EFHD1: variants seen among roughly 807,000 people sequenced by gnomAD.
EFHD1 encodes EF-hand domain-containing protein D1.
EFHD1 carries 10 observed loss-of-function variants against 17.2 expected under a neutral mutation model. The ratio of observed to expected loss-of-function variants is 0.58; its 90% CI spans 0.36 to 0.99. The LOEUF (loss-of-function observed/expected upper bound fraction) is 0.99, where lower values mean the gene tolerates loss of function less well. Among genes scored for constraint, EFHD1 ranks in the 50% least tolerant of loss-of-function variants. The probability of loss-of-function intolerance (pLI) is 0.01; values close to 1 mark genes in which losing one functional copy is unlikely to be tolerated. For missense variants in EFHD1, 310 were observed against 327.5 expected, an observed-to-expected ratio of 0.95 and a Z score of 0.41; for synonymous variants, 153 against 142.0, an observed-to-expected ratio of 1.08 and a Z score of -0.55.
At chr2:232,672,069 A>G (rs1310702975) in intron 2 of EFHD1, among the ~76,000 whole-genome samples, 2 of 152,170 alleles carry the variant, frequency 1.3e-5, no homozygotes, top group Non-Finnish European at 2.9e-5. Flanking sequence ...AAAAAAAAAA[A>G]AGTTTGAATC....
At chr2:232,606,122 G>A in exon 1 of EFHD1, 1 of 1,549,832 alleles carries the variant, frequency 6.5e-7, no homozygotes, top group Middle Eastern at 1.7e-4. Context: ...TCCCTGTGAA[G>A]GCCAAGATCT....
At chr2:232,625,106 A>G (rs1474545565) in intron 1 of EFHD1, among the ~76,000 whole-genome samples, 1 of 151,944 alleles carries the variant, frequency 6.6e-6, no homozygotes, top group African/African-American at 2.4e-5. Context: ...ATTTTGTATT[A>G]TTTTGCTGGT....
At chr2:232,656,367 T>C (rs1284581061) in intron 1 of EFHD1, among the ~76,000 whole-genome samples, 1 of 152,016 alleles carries the variant, frequency 6.6e-6, no homozygotes, top group Non-Finnish European at 1.5e-5. Flanking sequence ...TGAGCGCCAT[T>C]TCTCTCAAAA....
At chr2:232,633,320 C>T, upstream of EFHD1, 3 of 353,394 alleles carry the variant, frequency 8.5e-6, no homozygotes, top group Non-Finnish European at 1.2e-5. Flanking sequence ...CTTTTTCCCG[C>T]TACGGTTTTC....
At position 232,633,867 on chromosome 2, in the gene EFHD1, C is replaced by A; in HGVS notation, c.163C>A (p.Leu55Met). The A allele has an allele frequency of 2.0e-6, 3 of 1,523,966 alleles. No homozygotes were observed. The highest frequency in any genetic ancestry group is 2.6e-6 in the Non-Finnish European group (3 of 1,144,868). The allele number at this position is 1,523,966 out of a possible 1,614,324, so 94.4% of individuals were successfully genotyped here. ...GCCCACGGCCAGCGCCGACGCGGAG[C>A]TGAGCGCCCAGCTGAGCCGGCGGCT... is the stretch of plus-strand genomic sequence containing the variant. ...RAPTASADAE[L>M]SAQLSRRLDI... The change falls in exon 1 of 4, where the codon CTG (leucine) becomes ATG (methionine). Residue 55 changes from leucine (L) to methionine (M), a missense_variant. Coordinates refer to ENST00000264059, the MANE Select transcript of EFHD1 (RefSeq NM_025202.4).
intron 1 of EFHD1, among the ~76,000 whole-genome samples, chr2:232,612,734 C>CTTT (rs112158565): frequency 1.5e-4 from 20 of 133,560 alleles, no homozygotes; most frequent in Admixed American, 1.4e-3. Flanking sequence ...TTTTTCTTTT[C>CTTT]TTTTTTTTTT....
At chr2:232,634,244 C>T (rs1270227583) in intron 1 of EFHD1, among the ~76,000 whole-genome samples, 1 of 152,080 alleles carries the variant, frequency 6.6e-6, no homozygotes, top group Non-Finnish European at 1.5e-5. Context: ...AAGTTCTCGG[C>T]GGCTGCCGGG....
At position 232,633,815 on chromosome 2, in the gene EFHD1, G is replaced by C; in HGVS notation, c.111G>C (p.Lys37Asn). 1 of 1,472,924 alleles carries C rather than the reference G, an allele frequency of 6.8e-7. No individual in the cohort carries two copies. The highest frequency in any genetic ancestry group is 2.4e-5 in the Admixed American group (1 of 41,410). The allele number at this position is 1,472,924 out of a possible 1,614,324, so 91.2% of individuals were successfully genotyped here. A position where few individuals can be genotyped will look rare whatever the true frequency, so the allele number is the denominator to read the frequency against. The change falls in exon 1 of 4, where the codon AAG (lysine) becomes AAC (asparagine). Residue 37 changes from lysine to asparagine, a missense_variant. Coordinates refer to ENST00000264059, the MANE Select transcript of EFHD1 (RefSeq NM_025202.4). ...TCGGCGCCCCAGCCCCGGAGCCCAA[G>C]CCCGAGCCCGAGCCTCCCGCCCGTG... Reference protein sequence around the residue: ...APLGAPAPEPKPEPEPPARAP... With the variant: ...APLGAPAPEPNPEPEPPARAP...
intron 1 of EFHD1, among the ~76,000 whole-genome samples, chr2:232,616,381 C>G (rs1452438005): frequency 6.6e-6 from 1 of 152,110 alleles, no homozygotes; most frequent in African/African-American, 2.4e-5. Context: ...TCACGGCAAC[C>G]TCCGCCTCCC....
At chr2:232,669,446 G>T (rs1200475521) in intron 2 of EFHD1, among the ~76,000 whole-genome samples, 1 of 152,170 alleles carries the variant, frequency 6.6e-6, no homozygotes, top group Non-Finnish European at 1.5e-5. Flanking sequence ...TTTCGGGGAT[G>T]CGGTGGTTGA....
chr2:232,628,456 T>C (rs1055823530), intron 1 of EFHD1, among the ~76,000 whole-genome samples: 3 of 152,182 alleles, frequency 2.0e-5, no homozygotes, highest in African/African-American at 7.2e-5. Context: ...AAGAAAGAAG[T>C]TGACAATCCA....
At chr2:232,653,319 C>G (rs552900163) in intron 1 of EFHD1, among the ~76,000 whole-genome samples, 1 of 151,758 alleles carries the variant, frequency 6.6e-6, no homozygotes, top group East Asian at 1.9e-4. Flanking sequence ...AAGATGGAGT[C>G]TCACTCTGTC....
chr2:232,633,708 G>A lies in EFHD1; in HGVS notation c.4G>A (p.Ala2Thr). The change falls in exon 1 of 4, where the codon GCC becomes ACC. Residue 2 changes from alanine (A) to threonine (T), a missense_variant. Coordinates refer to ENST00000264059, the MANE Select transcript of EFHD1 (RefSeq NM_025202.4). M[A>T]SEELACKLER... is the part of the protein sequence containing the mutation. Reference sequence around the variant, plus strand: ...CCGCGTCCTGCGATCCGCCGCCATGGCCAGTGAGGAGCTGGCGTGCAAGCT... The same window carrying A: ...CCGCGTCCTGCGATCCGCCGCCATGACCAGTGAGGAGCTGGCGTGCAAGCT... The A allele has an allele frequency of 6.9e-7, 1 of 1,455,970 alleles. No homozygotes were observed. The highest frequency in any genetic ancestry group is 9.0e-7 in the Non-Finnish European group (1 of 1,112,708). The allele number at this position is 1,455,970 out of a possible 1,614,324, so 90.2% of individuals were successfully genotyped here.
chr2:232,623,077 T>C (rs1559338914), intron 1 of EFHD1, among the ~76,000 whole-genome samples: 1 of 152,180 alleles, frequency 6.6e-6, no homozygotes, highest in Non-Finnish European at 1.5e-5. Context: ...GATAGGGTCT[T>C]GCTCTGTTGC....
intron 1 of EFHD1, among the ~76,000 whole-genome samples, chr2:232,627,061 TA>T (rs1340624867): frequency 0.014 from 1,664 of 114,842 alleles, 16 homozygotes; most frequent in Non-Finnish European, 0.019. Context: ...TATATATATA[TA>T]TATTTTTTTT....
intron 1 of EFHD1, among the ~76,000 whole-genome samples, chr2:232,639,735 G>A (rs1694391133): frequency 6.6e-6 from 1 of 152,114 alleles, no homozygotes; most frequent in African/African-American, 2.4e-5. Context: ...GCTAGAGGGT[G>A]CCAGGCTGTC....
At chr2:232,668,724 C>T (rs1306437767) in intron 2 of EFHD1, among the ~76,000 whole-genome samples, 1 of 152,130 alleles carries the variant, frequency 6.6e-6, no homozygotes, top group East Asian at 1.9e-4. Context: ...ACCTCCACCC[C>T]TCAGATTCAA....
chr2:232,606,105 C>T (rs867549966), exon 1 of EFHD1: 1 of 1,544,150 alleles, frequency 6.5e-7, no homozygotes, highest in Non-Finnish European at 8.8e-7. Context: ...TGCCTTTCTC[C>T]GTACTGTCCC....
upstream of EFHD1, among the ~76,000 whole-genome samples, chr2:232,631,176 G>A (rs11691950): frequency 0.27 from 40,856 of 151,796 alleles, 6,803 homozygotes; most frequent in Middle Eastern, 0.4. Flanking sequence ...GCAGTGAGCC[G>A]AGATCGCACC....
Sources: gnomAD v4.1 joint callset for allele counts (sites outside exome capture counted in the v4.1 genomes callset) on GRCh38, gnomAD v4.1.1 for gene constraint, MANE v1.5 for transcripts, NCBI Gene and HGNC (gene_info 2026-07-23, HGNC 2026-07-21) for gene names.